The following ASXL2 variants were observed in gnomAD, a reference collection of about 807,000 sequenced individuals.
ASXL2 encodes ASXL transcriptional regulator 2.
In ASXL2, 23 loss-of-function variants were observed where a neutral mutation model predicts 122.0. The observed-to-expected ratio is 0.19, with a 90% confidence interval of 0.14 to 0.27. The LOEUF (loss-of-function observed/expected upper bound fraction) is 0.27, where lower values mean the gene tolerates loss of function less well. ASXL2 is among the 10% of genes least tolerant of loss of function. ASXL2 has a pLI of 1.00. For missense variants in ASXL2, 1,518 were observed against 1,713.8 expected (o/e 0.89, Z 2.02); for synonymous variants, 650 against 637.0 (o/e 1.02, Z -0.31).
chr2:25,795,782 A>G (rs1342059885), intron 5 of ASXL2, among the ~76,000 whole-genome samples: 3 of 152,160 alleles, frequency 2.0e-5, no homozygotes, highest in African/African-American at 4.8e-5. Context: ...AAGCGAAAAA[A>G]TTAAAATAAA....
chr2:25,770,022 T>G (rs1245685485), intron 6 of ASXL2, among the ~76,000 whole-genome samples: 1 of 152,220 alleles, frequency 6.6e-6, no homozygotes, highest in Non-Finnish European at 1.5e-5. Context: ...GACCATTGAT[T>G]ATCGCTTATT....
Position 25,878,391 on chromosome 2 carries a change from G to T in ASXL2, c.-169C>A. On this transcript the variant is annotated 5_prime_UTR_variant, in exon 1 of 13. Transcript: ENST00000435504. The stretch of plus-strand genomic sequence containing the variant: ...GAAGCGGCGGGGGTGGTGCGCGGGG[G>T]GGTCTATGGGGCGGCCGGTCCTCTT... 1.6e-6 allele frequency: 1 copy of T among 618,576 alleles called. No homozygotes were observed. Among genetic ancestry groups the T allele is most frequent in the East Asian group, 2.9e-5 (1 of 34,754 alleles). 38.3% of individuals were successfully genotyped at this position (618,576 alleles called of 1,614,324 possible).
intron 1 of ASXL2, 121 bp from the exon 2 acceptor site, chr2:25,845,684 A>G (rs974835014): frequency 2.8e-6 from 1 of 352,734 alleles, no homozygotes; most frequent in Non-Finnish European, 4.8e-6. Context: ...CACTACTAAT[A>G]CATATGCAAT....
At chr2:25,752,241 C>CA (rs1415915992) in intron 11 of ASXL2, among the ~76,000 whole-genome samples, 1 of 152,138 alleles carries the variant, frequency 6.6e-6, no homozygotes, top group African/African-American at 2.4e-5. Flanking sequence ...GGGAGACTAA[C>CA]AAGTAGGAGT....
intron 5 of ASXL2, among the ~76,000 whole-genome samples, chr2:25,771,958 C>T (rs1574407874): frequency 6.6e-6 from 1 of 152,118 alleles, no homozygotes; most frequent in East Asian, 1.9e-4. Context: ...GCCATTCGAC[C>T]TCAAAACTCT....
At chr2:25,822,689 A>G (rs751937651) in intron 3 of ASXL2, 7 of 707,386 alleles carry the variant, frequency 9.9e-6, no homozygotes, top group Admixed American at 5.6e-5. Flanking sequence ...GATCAATTGT[A>G]TGTTGTTTAC....
At chr2:25,773,377 T>C (rs1170511335) in intron 5 of ASXL2, among the ~76,000 whole-genome samples, 2 of 151,126 alleles carry the variant, frequency 1.3e-5, no homozygotes, top group Admixed American at 1.3e-4. Flanking sequence ...AAAGAAATCA[T>C]AGCCTTGGCC....
At chr2:25,800,577 G>C (rs749538974) in intron 4 of ASXL2, among the ~76,000 whole-genome samples, 25 of 152,170 alleles carry the variant, frequency 1.6e-4, no homozygotes, top group Non-Finnish European at 2.9e-4. Context: ...TGCACTGAGA[G>C]AGAATGCTAA....
chr2:25,813,138 T>G (rs1192573476), intron 3 of ASXL2, among the ~76,000 whole-genome samples: 2 of 152,194 alleles, frequency 1.3e-5, no homozygotes, highest in Admixed American at 1.3e-4. Flanking sequence ...CAATATTAAG[T>G]ACCCACTCTG....
chr2:25,791,756 T>G (rs1400858057), intron 5 of ASXL2, among the ~76,000 whole-genome samples: 2 of 152,170 alleles, frequency 1.3e-5, no homozygotes, highest in Non-Finnish European at 2.9e-5. Flanking sequence ...AGCTAATACT[T>G]AGTAACCCAG....
chr2:25,877,065 C>T (rs2090015284), intron 1 of ASXL2, among the ~76,000 whole-genome samples: 1 of 151,748 alleles, frequency 6.6e-6, no homozygotes, highest in African/African-American at 2.4e-5. Flanking sequence ...TCCAAATTTC[C>T]CCACAGTGAA....
At chr2:25,769,385 A>C (rs1468883705) in intron 6 of ASXL2, among the ~76,000 whole-genome samples, 2 of 152,196 alleles carry the variant, frequency 1.3e-5, no homozygotes, top group African/African-American at 4.8e-5. Flanking sequence ...GTAAATAACT[A>C]CATCAGTTGT....
intron 11 of ASXL2, among the ~76,000 whole-genome samples, chr2:25,750,911 G>GC (rs1294418872): frequency 6.6e-6 from 1 of 152,060 alleles, no homozygotes; most frequent in East Asian, 1.9e-4. Context: ...GCAAACCCAG[G>GC]CCCAAAAAAT....
At chr2:25,867,730 T>C (rs904012214) in intron 1 of ASXL2, among the ~76,000 whole-genome samples, 1 of 152,208 alleles carries the variant, frequency 6.6e-6, no homozygotes, top group Non-Finnish European at 1.5e-5. Flanking sequence ...TCTGGTTTTG[T>C]CTTCCATTAT....
chr2:25,842,750 ATG>A (rs1299110014), intron 2 of ASXL2, among the ~76,000 whole-genome samples: 6 of 149,448 alleles, frequency 4.0e-5, no homozygotes, highest in Non-Finnish European at 7.4e-5. Context: ...ATATGTATGT[ATG>A]TGTGTGCGTG....
At chr2:25,812,851 G>A (rs1368998199) in intron 3 of ASXL2, among the ~76,000 whole-genome samples, 1 of 152,168 alleles carries the variant, frequency 6.6e-6, no homozygotes, top group African/African-American at 2.4e-5. Context: ...AGCTAAAAGA[G>A]TGCTAAGTTC....
chr2:25,818,985 C>T (rs1296189319), intron 3 of ASXL2, among the ~76,000 whole-genome samples: 1 of 152,194 alleles, frequency 6.6e-6, no homozygotes, highest in Non-Finnish European at 1.5e-5. Flanking sequence ...GATGACTCTT[C>T]CTTGCTGGCT....
At chr2:25,783,256 T>C (rs2088676989) in intron 5 of ASXL2, among the ~76,000 whole-genome samples, 2 of 152,194 alleles carry the variant, frequency 1.3e-5, no homozygotes, top group Admixed American at 6.5e-5. Flanking sequence ...TATTTATACT[T>C]TCTATCTCTA....
rs1307615730 is a variant in ASXL2 at position 25,756,010 on chromosome 2, G to C, written c.1036+8C>G. ...CCACCTGGGAGACACATTAAGTAGA[G>C]CACTTACCTTCTGAGAGTCTTTCCT... On this transcript the variant is annotated splice_region_variant and intron_variant, in intron 10 of 12. Transcript: ENST00000435504. 1 of 1,608,366 alleles carries C rather than the reference G, an allele frequency of 6.2e-7. No individual in the cohort carries two copies. The highest frequency in any genetic ancestry group is 1.7e-5 in the Admixed American group (1 of 60,006).
Sources: gnomAD v4.1 joint callset for allele counts (sites outside exome capture counted in the v4.1 genomes callset) on GRCh38, gnomAD v4.1.1 for gene constraint, MANE v1.5 for transcripts, NCBI Gene and HGNC (gene_info 2026-07-23, HGNC 2026-07-21) for gene names.